The following KCNMA1 variants were observed in gnomAD, a reference collection of about 807,000 sequenced individuals.
KCNMA1 encodes the protein Calcium-activated potassium channel subunit alpha-1.
A neutral mutation model predicts 140.0 loss-of-function variants in KCNMA1; 29 were observed. The ratio of observed to expected loss-of-function variants is 0.21; its 90% CI spans 0.15 to 0.28. The LOEUF (loss-of-function observed/expected upper bound fraction) is 0.28, where lower values mean the gene tolerates loss of function less well. Ranked by LOEUF, KCNMA1 falls within the 10% of genes least tolerant of loss-of-function variation. The pLI, the probability that KCNMA1 is intolerant of heterozygous loss-of-function variation, is 1.00. For synonymous variants in KCNMA1, 612 were observed against 611.9 expected (o/e 1.00, Z 0.00); for missense variants, 880 against 1,602.2 (o/e 0.55, Z 7.70).
At chr10:77,315,854 T>C (rs573406839) in intron 2 of KCNMA1, among the ~76,000 whole-genome samples, 1 of 152,244 alleles carries the variant, frequency 6.6e-6, no homozygotes, top group Admixed American at 6.5e-5. Context: ...CCACTGCATT[T>C]TCCCCAGTGG....
intron 3 of KCNMA1, among the ~76,000 whole-genome samples, chr10:77,230,319 T>C (rs1390770719): frequency 2.0e-5 from 3 of 152,148 alleles, no homozygotes; most frequent in African/African-American, 7.2e-5. Context: ...CTGATGAGTA[T>C]GGGGTTTCCT....
intron 1 of KCNMA1, among the ~76,000 whole-genome samples, chr10:77,613,886 G>A (rs917450573): frequency 1.3e-5 from 2 of 152,220 alleles, no homozygotes; most frequent in South Asian, 4.1e-4. Context: ...CTGTCTGCTG[G>A]TGGGAACTGC....
intron 1 of KCNMA1, among the ~76,000 whole-genome samples, chr10:77,503,358 C>T (rs898802268): frequency 1.3e-5 from 2 of 152,098 alleles, no homozygotes; most frequent in Admixed American, 6.5e-5. Context: ...AAAAAGACAG[C>T]ATGCTCACCT....
intron 9 of KCNMA1, among the ~76,000 whole-genome samples, chr10:77,100,270 A>T (rs2097063956): frequency 6.6e-6 from 1 of 152,172 alleles, no homozygotes; most frequent in Non-Finnish European, 1.5e-5. Context: ...ACACTAGCTG[A>T]CATTTGCCTT....
Position 77,472,151 on chromosome 10 carries a change from CA to C in KCNMA1, c.379-68129del, listed in dbSNP as rs1396208303. On this transcript the variant is annotated intron_variant, in intron 1 of 27. Coordinates refer to ENST00000286628, the MANE Select transcript of KCNMA1 (RefSeq NM_001161352.2). ...CACACACTACATACCACACATATCACACATATATTATATATTCACTGCCCAC... is the reference window on the plus strand; with the variant it reads ...CACACACTACATACCACACATATCACCATATATTATATATTCACTGCCCAC... Among the ~76,000 whole-genome samples the C allele has an allele frequency of 2.7e-5, 4 of 150,586 alleles. No homozygotes were observed. The East Asian group carries it at 7.8e-4, about 29-fold the overall frequency.
intron 2 of KCNMA1, among the ~76,000 whole-genome samples, chr10:77,390,525 G>A (rs150056741): frequency 0.014 from 2,078 of 152,298 alleles, 28 homozygotes; most frequent in Middle Eastern, 0.061. Flanking sequence ...GCCCATGCAG[G>A]TGCCTCAGGG....
At chr10:77,427,724 TATTTA>T (rs1566785778) in intron 1 of KCNMA1, among the ~76,000 whole-genome samples, 182 of 100,382 alleles carry the variant, frequency 1.8e-3, no homozygotes, top group South Asian at 9.9e-3. Flanking sequence ...TCCATTCATT[TATTTA>T]TTTATTTATT....
At chr10:77,203,934 T>C (rs1000038475) in intron 3 of KCNMA1, among the ~76,000 whole-genome samples, 4 of 151,562 alleles carry the variant, frequency 2.6e-5, no homozygotes, top group African/African-American at 7.3e-5. Flanking sequence ...TCATCTCTAA[T>C]AGAATACAAA....
Position 77,066,490 on chromosome 10 carries a change from G to A in KCNMA1, c.1749+6607C>T, listed in dbSNP as rs147309996. 4.8e-3 allele frequency among the ~76,000 whole-genome samples: 732 copies of A among 152,292 alleles called. 7 individuals are homozygous for A. The highest frequency in any genetic ancestry group is 0.016 in the African/African-American group (683 of 41,550). ...GTTTGTGGACAAAGAAAAGGAATTC[G>A]ATTGTGGAATGGTAAGTCTGAGAGG... On this transcript the variant is annotated intron_variant, in intron 14 of 27. Coordinates refer to ENST00000286628, the MANE Select transcript of KCNMA1 (RefSeq NM_001161352.2).
downstream of KCNMA1, chr10:76,877,725 T>C (rs748550847): frequency 3.5e-5 from 54 of 1,549,792 alleles, no homozygotes; most frequent in Admixed American, 9.8e-5. Context: ...AAAATAGTTC[T>C]GGTCTCCTGG....
intron 25 of KCNMA1, chr10:76,903,148 C>T (rs3781142): frequency 0.079 from 12,125 of 152,556 alleles, 582 homozygotes; most frequent in South Asian, 0.15. Flanking sequence ...GCCCACGCCC[C>T]GCTGTGCCTG....
intron 25 of KCNMA1, chr10:76,903,936 C>T (rs1204942805): frequency 6.6e-6 from 1 of 152,144 alleles, no homozygotes; most frequent in Non-Finnish European, 1.5e-5. Flanking sequence ...CATCTACCCA[C>T]TAAGCTCCCA....
At chr10:77,165,358 T>A (rs1252971644) in intron 5 of KCNMA1, among the ~76,000 whole-genome samples, 2 of 152,226 alleles carry the variant, frequency 1.3e-5, no homozygotes, top group African/African-American at 2.4e-5. Context: ...AGACGCAAGT[T>A]TATTAACACA....
intron 14 of KCNMA1, among the ~76,000 whole-genome samples, chr10:77,066,660 G>C (rs76635820): frequency 0.061 from 9,334 of 152,266 alleles, 427 homozygotes; most frequent in Middle Eastern, 0.15. Context: ...TCAAGGAAGT[G>C]AGTATAATTG....
At chr10:76,900,453 A>C (rs539017522) in intron 25 of KCNMA1, among the ~76,000 whole-genome samples, 26 of 152,156 alleles carry the variant, frequency 1.7e-4, no homozygotes, top group African/African-American at 6.3e-4. Flanking sequence ...TGGTTTTAGA[A>C]TTTGGGGTTT....
intron 3 of KCNMA1, among the ~76,000 whole-genome samples, chr10:77,239,872 CT>C (rs2056800296): frequency 6.6e-6 from 1 of 152,170 alleles, no homozygotes; most frequent in South Asian, 2.1e-4. Context: ...AAATTGTGAA[CT>C]TTAGGGTTCA....
At chr10:77,529,374 C>G (rs930540976) in intron 1 of KCNMA1, among the ~76,000 whole-genome samples, 1 of 152,012 alleles carries the variant, frequency 6.6e-6, no homozygotes, top group African/African-American at 2.4e-5. Flanking sequence ...CTCAGCCCTT[C>G]AAACCCAGCT....
In KCNMA1 at chr10:77,108,459, C is replaced by T; in HGVS notation, c.1223+22G>A. ...GAGGATTCTACCGCAGCAGAGGCAG[C>T]AAAACCTCTTGGCATACTTACTTTC... is the stretch of plus-strand genomic sequence containing the variant. On this transcript the variant is annotated intron_variant, in intron 9 of 27. Transcript: ENST00000286628. The surrounding 1 kb of genome is among the most constrained non-coding windows in gnomAD (Gnocchi z 4.6). 2 of 1,607,142 alleles carry T rather than the reference C, an allele frequency of 1.2e-6. No homozygotes were observed. The highest frequency in any genetic ancestry group is 1.7e-6 in the Non-Finnish European group (2 of 1,174,572).
At chr10:76,941,645 G>T (rs1490594171) in intron 23 of KCNMA1, among the ~76,000 whole-genome samples, 1 of 152,208 alleles carries the variant, frequency 6.6e-6, no homozygotes, top group Admixed American at 6.5e-5. Flanking sequence ...GAGCAGAACA[G>T]ACTGCTGGCT....
Sources: allele counts gnomAD v4.1 joint callset (sites outside exome capture counted in the v4.1 genomes callset), GRCh38; gene constraint gnomAD v4.1.1; non-coding constraint Gnocchi (gnomAD v3.1); transcripts MANE v1.5; gene names NCBI Gene and HGNC (gene_info 2026-07-23, HGNC 2026-07-21).